PHACTR1: variants seen among roughly 807,000 people sequenced by gnomAD.
PHACTR1 encodes the protein RPEL repeat containing 1.
In PHACTR1, 16 loss-of-function variants were observed where a neutral mutation model predicts 69.2. The observed-to-expected ratio is 0.23, with a 90% confidence interval of 0.16 to 0.35. The LOEUF is 0.35. Among genes scored for constraint, PHACTR1 ranks in the 10% least tolerant of loss-of-function variants. The pLI, the probability that PHACTR1 is intolerant of heterozygous loss-of-function variation, is 1.00. For synonymous variants in PHACTR1, 312 were observed against 284.5 expected, an observed-to-expected ratio of 1.10 and a Z score of -0.97; for missense variants, 510 against 734.7, an observed-to-expected ratio of 0.69 and a Z score of 3.54.
rs57068347 is a variant in PHACTR1 at position 13,245,678 on chromosome 6, A to AT, written c.1391+15495dup. On this transcript the variant is annotated intron_variant, in intron 10 of 14. Coordinates refer to ENST00000332995, the MANE Select transcript of PHACTR1 (RefSeq NM_030948.6). The surrounding 1 kb of genome is among the most constrained non-coding windows in gnomAD (Gnocchi z 4.1). The stretch of plus-strand genomic sequence containing the variant: ...TGGTTTAATTAGGTGCCATTTGTCA[A>AT]TTTTTTTTTTCGTTGCAATTGCTTT... Among the ~76,000 whole-genome samples, 45 of 148,802 alleles carry AT rather than the reference A, an allele frequency of 3.0e-4. No individual in the cohort carries two copies. The highest frequency in any genetic ancestry group is 4.6e-4 in the Non-Finnish European group (31 of 66,994).
At chr6:12,947,547 T>C (rs1790822807) in intron 4 of PHACTR1, among the ~76,000 whole-genome samples, 1 of 152,222 alleles carries the variant, frequency 6.6e-6, no homozygotes. Flanking sequence ...AGTGAGACTT[T>C]AAGGAAATAT....
chr6:13,178,799 C>T (rs940724670), intron 6 of PHACTR1, among the ~76,000 whole-genome samples: 5 of 152,216 alleles, frequency 3.3e-5, no homozygotes, highest in African/African-American at 1.2e-4. Flanking sequence ...ACTGTCTCAT[C>T]CACACTAACA....
intron 10 of PHACTR1, among the ~76,000 whole-genome samples, chr6:13,265,269 T>C (rs56032676): frequency 0.011 from 1,666 of 152,232 alleles, 30 homozygotes; most frequent in African/African-American, 0.036. Context: ...TGGGCATTTT[T>C]TTCAGGCCTC....
At chr6:13,005,940 A>G (rs540820120) in intron 4 of PHACTR1, among the ~76,000 whole-genome samples, 2 of 152,242 alleles carry the variant, frequency 1.3e-5, no homozygotes, top group South Asian at 2.1e-4. Flanking sequence ...TTTCTCACCA[A>G]TGTTACATTA....
chr6:12,936,857 C>T (rs560133952), intron 4 of PHACTR1, among the ~76,000 whole-genome samples: 37 of 152,250 alleles, frequency 2.4e-4, no homozygotes, highest in East Asian at 1.9e-4. Flanking sequence ...GCTGCAGTTT[C>T]GAGGGCCACT....
chr6:13,272,533 G>A (rs1283539325), intron 10 of PHACTR1: 1 of 478,260 alleles, frequency 2.1e-6, no homozygotes, highest in Non-Finnish European at 3.6e-6. Context: ...GAGGCCACAA[G>A]GAAAGAAAAG....
intron 4 of PHACTR1, among the ~76,000 whole-genome samples, chr6:12,768,809 TACAC>T (rs4053038): frequency 0.39 from 48,005 of 122,300 alleles, 9,719 homozygotes; most frequent in East Asian, 0.51. Context: ...ATGTGCTATC[TACAC>T]ACACACACAC....
intron 3 of PHACTR1, among the ~76,000 whole-genome samples, chr6:12,736,732 A>T (rs1273298080): frequency 6.6e-6 from 1 of 152,212 alleles, no homozygotes; most frequent in Non-Finnish European, 1.5e-5. Flanking sequence ...TTAAAAATAC[A>T]AAAATTTGCA....
intron 5 of PHACTR1, among the ~76,000 whole-genome samples, chr6:13,098,169 C>G (rs180823644): frequency 6.6e-6 from 1 of 152,344 alleles, no homozygotes; most frequent in South Asian, 2.1e-4. Context: ...TGGAACTTCT[C>G]AAGTTGCTCA....
At position 13,263,238 on chromosome 6, in the gene PHACTR1, GTTTTTTTT is replaced by G. The variant is rs57164668; in HGVS notation, c.1392-9606_1392-9599del. On this transcript the variant is annotated intron_variant, in intron 10 of 14. Coordinates refer to ENST00000332995, the MANE Select transcript of PHACTR1 (RefSeq NM_030948.6). ...GTGTCCTTTATTTTGGGCTTTTAGT[GTTTTTTTT>G]TTTTTTTTTTTTTTTCAGTCTTTCC... Among the ~76,000 whole-genome samples the G allele has an allele frequency of 4.5e-3, 376 of 84,300 alleles. 1 individual carries two copies. Among genetic ancestry groups the G allele is most frequent in the African/African-American group, 0.014 (346 of 24,376 alleles). 55.3% of individuals were successfully genotyped at this position (84,300 alleles called of 152,430 possible).
At chr6:12,893,620 T>G (rs1784363737) in intron 4 of PHACTR1, among the ~76,000 whole-genome samples, 1 of 152,106 alleles carries the variant, frequency 6.6e-6, no homozygotes, top group Non-Finnish European at 1.5e-5. Flanking sequence ...CTGATCACAC[T>G]ATTATTATCT....
intron 4 of PHACTR1, among the ~76,000 whole-genome samples, chr6:12,999,541 G>A (rs1352597921): frequency 6.6e-6 from 1 of 152,188 alleles, no homozygotes; most frequent in Non-Finnish European, 1.5e-5. Context: ...GGAGGTTGCA[G>A]AGAGCTGAGA....
chr6:12,922,172 G>T (rs1372087011), intron 4 of PHACTR1, among the ~76,000 whole-genome samples: 1 of 152,120 alleles, frequency 6.6e-6, no homozygotes, highest in African/African-American at 2.4e-5. Context: ...TTTCTGGGTT[G>T]CCTTTTATTG....
intron 4 of PHACTR1, among the ~76,000 whole-genome samples, chr6:12,784,548 CAT>C (rs1187748192): frequency 1.2e-4 from 18 of 151,364 alleles, no homozygotes; most frequent in Admixed American, 9.2e-4. Context: ...CATATACACA[CAT>C]ATATATCTAT....
intron 10 of PHACTR1, among the ~76,000 whole-genome samples, chr6:13,237,373 C>G (rs1291072583): frequency 6.6e-6 from 1 of 151,864 alleles, no homozygotes. Flanking sequence ...TGAGACCCCT[C>G]TTTTAAAAAA....
chr6:12,943,664 TG>T (rs1790287998), intron 4 of PHACTR1, among the ~76,000 whole-genome samples: 1 of 152,208 alleles, frequency 6.6e-6, no homozygotes, highest in African/African-American at 2.4e-5. Flanking sequence ...GAAATTAAAA[TG>T]CACGTGTCCT....
At chr6:12,989,451 G>T (rs73723321) in intron 4 of PHACTR1, among the ~76,000 whole-genome samples, 1,959 of 152,240 alleles carry the variant, frequency 0.013, 55 homozygotes, top group African/African-American at 0.044. Flanking sequence ...CATATAGTCT[G>T]GGAGGCCAGC....
chr6:13,103,134 G>A (rs1158439579), intron 5 of PHACTR1, among the ~76,000 whole-genome samples: 1 of 152,172 alleles, frequency 6.6e-6, no homozygotes, highest in Non-Finnish European at 1.5e-5. Context: ...TCGCAAATGT[G>A]GCTTGGAAAC....
At chr6:13,033,066 T>C (rs1365976858) in intron 4 of PHACTR1, among the ~76,000 whole-genome samples, 2 of 152,218 alleles carry the variant, frequency 1.3e-5, no homozygotes, top group African/African-American at 2.4e-5. Context: ...TATGATTTCA[T>C]TGTTTTTCCA....
Sources: allele counts gnomAD v4.1 joint callset (sites outside exome capture counted in the v4.1 genomes callset), GRCh38; gene constraint gnomAD v4.1.1; non-coding constraint Gnocchi (gnomAD v3.1); transcripts MANE v1.5; gene names NCBI Gene and HGNC (gene_info 2026-07-23, HGNC 2026-07-21).